Variants in ASTN2 observed in about 807,000 individuals in gnomAD.
ASTN2 encodes the protein astrotactin 2, also known as astrotactin-2.
Under a neutral mutation model 139.8 loss-of-function variants are expected in ASTN2, and 54 were observed. The observed-to-expected ratio is 0.39, with a 90% CI of 0.31 to 0.48. The LOEUF is 0.48. ASTN2 is among the 20% of genes least tolerant of loss of function. The probability of loss-of-function intolerance (pLI) is 0.95; values close to 1 mark genes in which losing one functional copy is unlikely to be tolerated. For synonymous variants in ASTN2, 756 were observed against 719.5 expected, an observed-to-expected ratio of 1.05 and a Z score of -0.81; for missense variants, 1,565 against 1,725.1, an observed-to-expected ratio of 0.91 and a Z score of 1.64.
chr9:116,974,228 C>T (rs1564366655), intron 10 of ASTN2, among the ~76,000 whole-genome samples: 1 of 152,166 alleles, frequency 6.6e-6, no homozygotes, highest in African/African-American at 2.4e-5. Context: ...AGCTCCAGAA[C>T]AGTGCTAAGA....
intron 3 of ASTN2, among the ~76,000 whole-genome samples, chr9:117,202,331 C>A (rs1178814398): frequency 6.6e-6 from 1 of 152,070 alleles, no homozygotes; most frequent in Non-Finnish European, 1.5e-5. Flanking sequence ...GGCATTTAGT[C>A]CATTTATATT....
At chr9:116,735,268 G>A (rs1362035602) in intron 13 of ASTN2, among the ~76,000 whole-genome samples, 1 of 152,176 alleles carries the variant, frequency 6.6e-6, no homozygotes, top group Admixed American at 6.5e-5. Flanking sequence ...GTGTGCCTGT[G>A]ATAATGGGTT....
In ASTN2 at chr9:116,637,425, T is replaced by G. The variant is rs113799499; in HGVS notation, c.3072+14103A>C. ...TATAAGGTAGATATTATTAATCTCA[T>G]TTTACCGATGGTAAAACAAAAGCTT... On this transcript the variant is annotated intron_variant, in intron 17 of 22. Coordinates refer to ENST00000313400, the MANE Select transcript of ASTN2 (RefSeq NM_001365068.1). 6.2e-3 allele frequency among the ~76,000 whole-genome samples: 950 copies of G among 152,318 alleles called. 6 individuals carry two copies. Among genetic ancestry groups the G allele is most frequent in the South Asian group, 0.031 (151 of 4,828 alleles).
intron 10 of ASTN2, among the ~76,000 whole-genome samples, chr9:116,867,982 G>C (rs1242513671): frequency 2.0e-5 from 3 of 152,194 alleles, no homozygotes; most frequent in Admixed American, 2.0e-4. Context: ...GGGTCTGTGG[G>C]ATCTTAGAGC....
At chr9:116,979,229 TCA>T (rs957822626) in intron 7 of ASTN2, among the ~76,000 whole-genome samples, 9 of 151,936 alleles carry the variant, frequency 5.9e-5, no homozygotes, top group African/African-American at 2.2e-4. Flanking sequence ...GAAGAATGGG[TCA>T]GAGATAGTAT....
At chr9:117,200,998 T>TTTTG (rs1252596735) in intron 3 of ASTN2, among the ~76,000 whole-genome samples, 1 of 141,126 alleles carries the variant, frequency 7.1e-6, no homozygotes, top group Non-Finnish European at 1.5e-5. Context: ...GTCCTGGGCT[T>TTTTG]TTTTTTTTTT....
intron 4 of ASTN2, among the ~76,000 whole-genome samples, chr9:117,118,628 C>T (rs1184182573): frequency 6.6e-6 from 1 of 152,194 alleles, no homozygotes; most frequent in South Asian, 2.1e-4. Flanking sequence ...TCACTAGTCT[C>T]CAATGGATGC....
Position 117,039,939 on chromosome 9 carries a change from T to C in ASTN2, c.1303A>G (p.Thr435Ala), listed in dbSNP as rs1300095604. Residue 435 changes from threonine to alanine, a missense_variant, in exon 6 of 23, where the codon ACA (threonine) becomes GCA (alanine). Around this residue, in one of 4 missense-constraint regions of ASTN2, gnomAD observed 503 missense variants for 591.7 expected, o/e 0.85. Coordinates refer to ENST00000313400, the MANE Select transcript of ASTN2 (RefSeq NM_001365068.1). ...KGLLKSPVNK[T>A]ALTLIAVSSC... ...CTCACAGCAATCAGTGTCAGGGCTGTCTTGTTCACTGGGCTTTTCAGCAAA... is the reference window on the plus strand; with the variant it reads ...CTCACAGCAATCAGTGTCAGGGCTGCCTTGTTCACTGGGCTTTTCAGCAAA... 3 of 1,613,008 alleles carry C rather than the reference T, an allele frequency of 1.9e-6. No homozygotes were observed. Among genetic ancestry groups the C allele is most frequent in the East Asian group, 2.2e-5 (1 of 44,762 alleles).
intron 19 of ASTN2, among the ~76,000 whole-genome samples, chr9:116,545,436 A>G (rs2119373643): frequency 6.6e-6 from 1 of 152,324 alleles, no homozygotes; most frequent in Middle Eastern, 3.4e-3. Context: ...ACATTTTCAA[A>G]GCAGTAGAAT....
At chr9:116,989,586 G>GTT (rs56128640) in intron 7 of ASTN2, among the ~76,000 whole-genome samples, 12,752 of 137,226 alleles carry the variant, frequency 0.093, 835 homozygotes, top group African/African-American at 0.18. Context: ...TTATATTTGG[G>GTT]TTTTTTTTTT....
intron 3 of ASTN2, chr9:117,180,714 G>C: frequency 6.3e-7 from 1 of 1,594,302 alleles, no homozygotes. Flanking sequence ...ATGAGTGCAG[G>C]GCCCGCCACT....
chr9:117,347,346 C>T (rs941971325), intron 1 of ASTN2, among the ~76,000 whole-genome samples: 8 of 151,994 alleles, frequency 5.3e-5, no homozygotes, highest in Non-Finnish European at 1.2e-4. Flanking sequence ...AGAGCGCTTC[C>T]TGATTTAGTC....
chr9:116,463,384 A>G (rs1243505594), intron 20 of ASTN2, among the ~76,000 whole-genome samples: 2 of 152,108 alleles, frequency 1.3e-5, no homozygotes, highest in East Asian at 3.9e-4. Flanking sequence ...CTGGTTCACA[A>G]AGGGATTTGA....
chr9:117,046,123 C>G (rs1432083039), intron 5 of ASTN2, among the ~76,000 whole-genome samples: 1 of 152,078 alleles, frequency 6.6e-6, no homozygotes, highest in Non-Finnish European at 1.5e-5. Flanking sequence ...GTCTCAGCCT[C>G]CCAAGTGGCT....
chr9:117,114,898 G>A (rs971888846), intron 4 of ASTN2, among the ~76,000 whole-genome samples: 16 of 152,118 alleles, frequency 1.1e-4, no homozygotes, highest in African/African-American at 3.4e-4. Context: ...CCCCATTGGA[G>A]CTCTTAGCCA....
At chr9:117,227,728 A>C (rs192005657) in intron 2 of ASTN2, among the ~76,000 whole-genome samples, 150 of 152,298 alleles carry the variant, frequency 9.8e-4, no homozygotes, top group Middle Eastern at 6.8e-3. Flanking sequence ...TGTGATAACT[A>C]ACTGTTAACT....
intron 4 of ASTN2, among the ~76,000 whole-genome samples, chr9:117,124,652 G>T (rs1829641232): frequency 6.6e-6 from 1 of 152,052 alleles, no homozygotes; most frequent in Non-Finnish European, 1.5e-5. Flanking sequence ...TTCCTTACAT[G>T]CATTTTAAAC....
chr9:117,283,426 A>G lies in ASTN2; in HGVS notation c.630+7900T>C, dbSNP rs577191337. Reference sequence around the variant, plus strand: ...CAATATTAAAAGTTCTACTTTCTGGAAAAAAAAACGTGAATGATACTCATG... The same window carrying G: ...CAATATTAAAAGTTCTACTTTCTGGGAAAAAAAACGTGAATGATACTCATG... On this transcript the variant is annotated intron_variant, in intron 2 of 22. Transcript: ENST00000313400. Among the ~76,000 whole-genome samples the G allele has an allele frequency of 1.1e-4, 15 of 133,848 alleles. No individual in the cohort carries two copies. In the South Asian group the frequency reaches 1.3e-3, roughly 11 times the overall value. 87.8% of individuals were successfully genotyped at this position (133,848 alleles called of 152,430 possible).
intron 16 of ASTN2, among the ~76,000 whole-genome samples, chr9:116,701,975 A>G (rs989879096): frequency 1.3e-5 from 2 of 151,574 alleles, no homozygotes; most frequent in African/African-American, 4.9e-5. Context: ...TAGATCAAAG[A>G]GCAGCTGCTC....
Sources: gnomAD v4.1 joint callset for allele counts (sites outside exome capture counted in the v4.1 genomes callset) on GRCh38, gnomAD v4.1.1 for gene constraint, gnomAD v4.1.1 regional missense constraint, MANE v1.5 for transcripts, NCBI Gene and HGNC (gene_info 2026-07-23, HGNC 2026-07-21) for gene names.